The following RBM19 variants were observed in gnomAD, a reference collection of about 807,000 sequenced individuals.
RBM19 encodes RNA binding motif protein 19, also known as probable RNA-binding protein 19.
RBM19 carries 94 observed loss-of-function variants against 116.8 expected under a neutral mutation model. That is an observed-to-expected ratio of 0.80 (90% CI 0.68 to 0.95). The LOEUF (loss-of-function observed/expected upper bound fraction) is 0.95. Among genes scored for constraint, RBM19 ranks in the 40% least tolerant of loss-of-function variants. The pLI is 0.00. For synonymous variants in RBM19, 475 were observed against 494.1 expected, an observed-to-expected ratio of 0.96 and a Z score of 0.51; for missense variants, 1,161 against 1,220.7, an observed-to-expected ratio of 0.95 and a Z score of 0.73.
chr12:113,900,931 T>A (rs1438978649), intron 21 of RBM19, among the ~76,000 whole-genome samples: 1 of 152,172 alleles, frequency 6.6e-6, no homozygotes, highest in Admixed American at 6.5e-5. Context: ...AGATCTTAAA[T>A]AGGGCAGGGC....
chr12:113,924,785 A>T lies in RBM19; in HGVS notation c.2245-28T>A, dbSNP rs756497730. On this transcript the variant is annotated intron_variant, in intron 17 of 23. Coordinates refer to ENST00000261741, the MANE Select transcript of RBM19 (RefSeq NM_016196.4). Reference sequence around the variant, plus strand: ...GGATAAGAAAGTAACAAGTATCATCAGCAGCTCTAAACCACTATGCAGGCA... The same window carrying T: ...GGATAAGAAAGTAACAAGTATCATCTGCAGCTCTAAACCACTATGCAGGCA... 11 of 1,521,664 alleles carry T rather than the reference A, an allele frequency of 7.2e-6. No individual in the cohort carries two copies. The South Asian group carries it at 1.1e-4, about 16-fold the overall frequency. The allele number at this position is 1,521,664 out of a possible 1,614,324, so 94.3% of individuals were successfully genotyped here.
chr12:113,873,986 AGTC>A (rs67597446), intron 21 of RBM19, among the ~76,000 whole-genome samples: 16,582 of 152,206 alleles, frequency 0.11, 1,019 homozygotes, highest in Non-Finnish European at 0.15. Context: ...CTAGAAACCC[AGTC>A]ACCGCCCTGC....
Position 113,955,148 on chromosome 12 carries a change from G to A in RBM19, c.904C>T (p.Pro302Ser), listed in dbSNP as rs959090433. ...GCACATACCTCTGTGACATTGAACGGGGCTCCCCGCAGCTTCACGGTGTGG... is the reference window on the plus strand; with the variant it reads ...GCACATACCTCTGTGACATTGAACGAGGCTCCCCGCAGCTTCACGGTGTGG... ...TCHTVKLRGAPFNVTEKNVME... is the reference protein window; with the variant it reads ...TCHTVKLRGASFNVTEKNVME... Residue 302 changes from proline to serine, a missense_variant, in exon 7 of 24, where the codon CCG (proline) becomes TCG (serine). By Grantham distance (74) the Pro-to-Ser change is moderately conservative. Transcript: ENST00000261741. 23 of 1,613,882 alleles carry A rather than the reference G, an allele frequency of 1.4e-5. No individual in the cohort carries two copies. The highest frequency in any genetic ancestry group is 1.9e-5 in the Non-Finnish European group (23 of 1,179,958).
At chr12:113,862,221 A>G (rs1476146636) in intron 21 of RBM19, among the ~76,000 whole-genome samples, 1 of 152,192 alleles carries the variant, frequency 6.6e-6, no homozygotes, top group Non-Finnish European at 1.5e-5. Context: ...CATCATATCC[A>G]TGCCTCTGTT....
chr12:113,819,100 T>A (rs1455193427), downstream of RBM19, among the ~76,000 whole-genome samples: 5 of 152,146 alleles, frequency 3.3e-5, no homozygotes, highest in Non-Finnish European at 7.4e-5. Context: ...GAGACACAGC[T>A]CAAGGGGCCA....
At chr12:113,944,459 T>G (rs576138207) in intron 13 of RBM19, among the ~76,000 whole-genome samples, 9 of 152,190 alleles carry the variant, frequency 5.9e-5, no homozygotes, top group African/African-American at 2.2e-4. Context: ...GGGGGCATTT[T>G]CAGGCTTTCT....
At chr12:113,858,213 T>A (rs1056704872) in intron 22 of RBM19, among the ~76,000 whole-genome samples, 5 of 152,200 alleles carry the variant, frequency 3.3e-5, no homozygotes, top group Non-Finnish European at 7.3e-5. Context: ...AATTTGGAGA[T>A]GCCGCCTTGC....
intron 22 of RBM19, among the ~76,000 whole-genome samples, chr12:113,845,708 C>G (rs921519840): frequency 2.0e-4 from 31 of 152,142 alleles, no homozygotes; most frequent in Admixed American, 3.9e-4. Context: ...GTGATCAGTA[C>G]CGTCTTAAAC....
chr12:113,903,338 T>G lies in RBM19; in HGVS notation c.2558+11631A>C, dbSNP rs1169930393. On this transcript the variant is annotated intron_variant, in intron 21 of 23. Coordinates refer to ENST00000261741, the MANE Select transcript of RBM19 (RefSeq NM_016196.4). This position sits in a 1 kb window ranked among gnomAD's most constrained non-coding sequence, Gnocchi z 5.1. ...CAGCATCATGTTTTCAAATCCACGT[T>G]ATCAGTAGTCCATTCCTATTTATGG... Among the ~76,000 whole-genome samples the G allele has an allele frequency of 6.6e-6, 1 of 152,212 alleles. No homozygotes were observed. Among genetic ancestry groups the G allele is most frequent in the Non-Finnish European group, 1.5e-5 (1 of 68,034 alleles).
At chr12:113,910,702 G>A (rs930751903) in intron 21 of RBM19, among the ~76,000 whole-genome samples, 2 of 152,212 alleles carry the variant, frequency 1.3e-5, no homozygotes, top group Non-Finnish European at 2.9e-5. Flanking sequence ...CTGTGTGGAC[G>A]AACTGATACA....
intron 23 of RBM19, among the ~76,000 whole-genome samples, chr12:113,829,003 CT>C (rs5801007): frequency 2.1e-3 from 303 of 145,780 alleles, no homozygotes; most frequent in Middle Eastern, 3.5e-3. Flanking sequence ...AGGGCTGTGC[CT>C]TTTTTTTTTT....
At chr12:113,866,027 G>A (rs1187223331) in intron 21 of RBM19, among the ~76,000 whole-genome samples, 1 of 152,220 alleles carries the variant, frequency 6.6e-6, no homozygotes, top group Non-Finnish European at 1.5e-5. Flanking sequence ...CTCTCCCGCA[G>A]AAGGTTATGT....
chr12:113,856,999 T>C (rs1047839122), intron 22 of RBM19, among the ~76,000 whole-genome samples: 4 of 152,350 alleles, frequency 2.6e-5, no homozygotes, highest in South Asian at 2.1e-4. Context: ...GAAGTTTGTA[T>C]TGTAACAACA....
intron 22 of RBM19, among the ~76,000 whole-genome samples, chr12:113,847,281 C>T (rs544966633): frequency 6.6e-6 from 1 of 152,096 alleles, no homozygotes; most frequent in Non-Finnish European, 1.5e-5. Flanking sequence ...ATTAAAGAAA[C>T]GCTTTGTTCT....
intron 10 of RBM19, 41 bp downstream of exon 10, chr12:113,948,792 T>C (rs760183874): frequency 1.0e-5 from 16 of 1,597,682 alleles, no homozygotes; most frequent in Admixed American, 1.7e-5. Context: ...CCGGCTCCCA[T>C]AGCCGCTGGG....
rs949078187 is a variant in RBM19 at position 113,964,044 on chromosome 12, A to T, written c.37-1630T>A. 2.0e-5 allele frequency among the ~76,000 whole-genome samples: 3 copies of T among 152,242 alleles called. No homozygotes were observed. In the East Asian group the frequency reaches 5.8e-4, roughly 29 times the overall value. On this transcript the variant is annotated intron_variant, in intron 1 of 23. Transcript: ENST00000261741. ...TTCACATGTCAGTGATGCACCTTGC[A>T]TCGTAATGATCTGGTGCCTCTCTTT...
downstream of RBM19, chr12:113,817,675 AC>A (rs1874137774): frequency 6.7e-6 from 1 of 150,322 alleles, no homozygotes; most frequent in Non-Finnish European, 1.5e-5. Context: ...CTTTCTTTAA[AC>A]TGTGTAAGTC....
intron 13 of RBM19, among the ~76,000 whole-genome samples, chr12:113,944,093 GTTTT>G (rs71433305): frequency 1.2e-3 from 81 of 67,646 alleles, no homozygotes; most frequent in African/African-American, 2.0e-3. Flanking sequence ...CCAGATGCAT[GTTTT>G]TTTTTTTTTT....
At chr12:113,876,458 A>G (rs1166007098) in intron 21 of RBM19, among the ~76,000 whole-genome samples, 1 of 152,208 alleles carries the variant, frequency 6.6e-6, no homozygotes, top group Non-Finnish European at 1.5e-5. Flanking sequence ...AATCTATGGC[A>G]ATGAACACAG....
Sources: allele counts gnomAD v4.1 joint callset (sites outside exome capture counted in the v4.1 genomes callset), GRCh38; gene constraint gnomAD v4.1.1; non-coding constraint Gnocchi (gnomAD v3.1); transcripts MANE v1.5; gene names NCBI Gene and HGNC (gene_info 2026-07-23, HGNC 2026-07-21).